The following TJP3 variants were observed in gnomAD, a reference collection of about 807,000 sequenced individuals.
TJP3 encodes the protein tight junction protein ZO-3.
TJP3 carries 85 observed loss-of-function variants against 104.2 expected under a neutral mutation model. The observed-to-expected ratio is 0.82, with a 90% CI of 0.68 to 0.98. The LOEUF (loss-of-function observed/expected upper bound fraction) is 0.98. Among genes scored for constraint, TJP3 ranks in the 50% least tolerant of loss-of-function variants. The pLI is 0.00. For synonymous variants in TJP3, 550 were observed against 550.6 expected (o/e 1.00, Z 0.02); for missense variants, 1,367 against 1,322.8 (o/e 1.03, Z -0.52).
At chr19:3,731,428 T>C (rs2036669289) in intron 5 of TJP3, among the ~76,000 whole-genome samples, 1 of 152,010 alleles carries the variant, frequency 6.6e-6, no homozygotes, top group African/African-American at 2.4e-5. Flanking sequence ...AGGCCAGTAG[T>C]TCTAGACCAG....
Position 3,731,986 on chromosome 19 carries a change from C to A in TJP3, c.665C>A (p.Ser222Ter). 7 of 1,613,680 alleles carry A rather than the reference C, an allele frequency of 4.3e-6. No individual in the cohort carries two copies. Among genetic ancestry groups the A allele is most frequent in the Non-Finnish European group, 5.9e-6 (7 of 1,179,874 alleles). Residue 222 changes from serine to a stop codon, truncating the protein, a stop_gained, in exon 6 of 21, where the codon TCG (serine) becomes TAG (stop). Coordinates refer to ENST00000541714, the MANE Select transcript of TJP3 (RefSeq NM_001267560.2). LOFTEE classifies it high-confidence loss of function. ...SQIFIKHITD[S>*]GLAARHRGLQ... The stretch of plus-strand genomic sequence containing the variant: ...ATCTTCATCAAGCACATTACAGATT[C>A]GGGCCTGGCTGCCCGGCACCGTGGG...
At chr19:3,714,337 G>A (rs1450413984) in intron 1 of TJP3, among the ~76,000 whole-genome samples, 1 of 151,014 alleles carries the variant, frequency 6.6e-6, no homozygotes, top group Admixed American at 6.6e-5. Flanking sequence ...GTGCCACTAC[G>A]CTTGGCTAAT....
chr19:3,747,414 G>A (rs2036913019), intron 18 of TJP3, among the ~76,000 whole-genome samples: 1 of 151,980 alleles, frequency 6.6e-6, no homozygotes, highest in Admixed American at 6.6e-5. Context: ...TCACGCCCAT[G>A]GTCCCAGCTA....
chr19:3,712,841 C>T (rs1199153370), intron 1 of TJP3, among the ~76,000 whole-genome samples: 1 of 151,332 alleles, frequency 6.6e-6, no homozygotes, highest in African/African-American at 2.4e-5. Flanking sequence ...CCCAGCTACA[C>T]AGGAGGCTGG....
At chr19:3,719,177 C>T (rs2036519219) in intron 1 of TJP3, among the ~76,000 whole-genome samples, 1 of 151,846 alleles carries the variant, frequency 6.6e-6, no homozygotes, top group South Asian at 2.1e-4. Flanking sequence ...AATGAGTGTC[C>T]GTCTTGGGGG....
intron 8 of TJP3, 32 bp downstream of exon 8, chr19:3,734,467 A>AGGGAGGGAGAGGGAGGT (rs1238925546): frequency 6.5e-6 from 10 of 1,549,234 alleles, no homozygotes; most frequent in Non-Finnish European, 8.7e-6. Context: ...GAATGGTGAT[A>AGGGAGGGAGAGGGAGGT]GGGAGGGAGA....
intron 1 of TJP3, among the ~76,000 whole-genome samples, chr19:3,727,937 G>A (rs1173049898): frequency 2.0e-5 from 3 of 151,534 alleles, no homozygotes; most frequent in African/African-American, 2.4e-5. Flanking sequence ...ATGAGACTCC[G>A]CCTCAAAAAA....
At position 3,740,618 on chromosome 19, in the gene TJP3, G is replaced by A. The variant is rs539417937; in HGVS notation, c.1698G>A (p.Ala566=). ...RAVGVGPGSS[A]GSNARAEFWR... is the part of the protein sequence containing the mutation. Reference sequence around the variant, plus strand: ...TGGGAGTCGGGCCCGGCTCCTCCGCGGGCTCCAATGCTCGGGCCGAGTTCT... The same window carrying A: ...TGGGAGTCGGGCCCGGCTCCTCCGCAGGCTCCAATGCTCGGGCCGAGTTCT... The change falls in exon 14 of 21, where the codon GCG becomes GCA. Residue 566 remains alanine (A), a synonymous_variant. Coordinates refer to ENST00000541714, the MANE Select transcript of TJP3 (RefSeq NM_001267560.2). The A allele has an allele frequency of 8.0e-5, 127 of 1,582,220 alleles. No individual in the cohort carries two copies. The highest frequency in any genetic ancestry group is 1.0e-4 in the Non-Finnish European group (119 of 1,166,434).
At chr19:3,748,944 G>T (rs538350379) in intron 19 of TJP3, among the ~76,000 whole-genome samples, 3 of 137,748 alleles carry the variant, frequency 2.2e-5, no homozygotes, top group African/African-American at 8.1e-5. Context: ...CTGCAACCTC[G>T]GCCTCCTGTG....
chr19:3,717,382 G>A (rs1483826783), intron 1 of TJP3, among the ~76,000 whole-genome samples: 3 of 147,338 alleles, frequency 2.0e-5, no homozygotes. Context: ...TTACAGGCGT[G>A]AGCCACTGTG....
chr19:3,743,285 A>G (rs1051764600), intron 14 of TJP3, among the ~76,000 whole-genome samples: 9 of 152,088 alleles, frequency 5.9e-5, no homozygotes, highest in African/African-American at 2.2e-4. Context: ...TAAATAAAAT[A>G]AAAGAAAGAA....
At chr19:3,734,780 C>T (rs1169770190) in intron 8 of TJP3, among the ~76,000 whole-genome samples, 2 of 152,108 alleles carry the variant, frequency 1.3e-5, no homozygotes, top group Non-Finnish European at 2.9e-5. Context: ...CGTGGTGAAA[C>T]CCTGTCTCTA....
Position 3,746,933 on chromosome 19 carries a change from C to G in TJP3, c.2322+57C>G. 8 of 1,516,520 alleles carry G rather than the reference C, an allele frequency of 5.3e-6. No individual in the cohort carries two copies. In the South Asian group the frequency reaches 9.6e-5, roughly 18 times the overall value. The allele number at this position is 1,516,520 out of a possible 1,614,324, so 93.9% of individuals were successfully genotyped here. ...GAGGCCCCACAGACGCTGTGCAGGC[C>G]CAGCTGGGGTTTGGGGCCTCTGTCG... On this transcript the variant is annotated intron_variant, in intron 18 of 20. Coordinates refer to ENST00000541714, the MANE Select transcript of TJP3 (RefSeq NM_001267560.2). The surrounding 1 kb of genome is among the most constrained non-coding windows in gnomAD (Gnocchi z 4.1).
intron 1 of TJP3, among the ~76,000 whole-genome samples, chr19:3,717,498 T>C (rs994823149): frequency 4.0e-4 from 60 of 150,432 alleles, no homozygotes; most frequent in Non-Finnish European, 7.8e-4. Context: ...TGCAGTGGCG[T>C]GATCTCAGCT....
intron 1 of TJP3, among the ~76,000 whole-genome samples, chr19:3,717,272 G>A (rs1194886800): frequency 6.9e-6 from 1 of 145,658 alleles, no homozygotes; most frequent in Non-Finnish European, 1.5e-5. Flanking sequence ...GCCCATGACT[G>A]TTATATTTTT....
At chr19:3,721,337 C>T (rs1164690166) in intron 1 of TJP3, among the ~76,000 whole-genome samples, 1 of 152,188 alleles carries the variant, frequency 6.6e-6, no homozygotes, top group Non-Finnish European at 1.5e-5. Context: ...CGGTTCCCCT[C>T]TGTGGAATGG....
In TJP3 at chr19:3,747,837, G is replaced by A; in HGVS notation, c.2366G>A (p.Gly789Asp). The A allele has an allele frequency of 6.2e-7, 1 of 1,609,076 alleles. No homozygotes were observed. Residue 789 changes from glycine (G) to aspartate (D), a missense_variant, in exon 19 of 21, where the codon GGC (glycine) becomes GAC (aspartate). Gly to Asp is a moderately conservative substitution (Grantham distance 94, BLOSUM62 -1). Coordinates refer to ENST00000541714, the MANE Select transcript of TJP3 (RefSeq NM_001267560.2). ...GACAACCTAGACCTCCCTCACCACG[G>A]CCTGGCCGACAGCTCCGCTGACCTC... ...LEDNLDLPHH[G>D]LADSSADLSC...
intron 6 of TJP3, among the ~76,000 whole-genome samples, chr19:3,733,378 T>C (rs2036697199): frequency 6.6e-6 from 1 of 152,210 alleles, no homozygotes. Flanking sequence ...ATTGTGTGTT[T>C]CTAGTATCTT....
chr19:3,738,713 T>C, intron 12 of TJP3, 50 bp downstream of exon 12: 1 of 1,515,660 alleles, frequency 6.6e-7, no homozygotes, highest in Non-Finnish European at 9.1e-7. Flanking sequence ...GGGGAGGACC[T>C]GGCTGTGTGG....
Sources: gnomAD v4.1 joint callset for allele counts (sites outside exome capture counted in the v4.1 genomes callset) on GRCh38, gnomAD v4.1.1 for gene constraint, Gnocchi (gnomAD v3.1) non-coding constraint, MANE v1.5 for transcripts, NCBI Gene and HGNC (gene_info 2026-07-23, HGNC 2026-07-21) for gene names.